The following KLHL32 variants were observed in gnomAD, a reference collection of about 807,000 sequenced individuals.
KLHL32 encodes the protein kelch-like protein 32.
In KLHL32, 35 loss-of-function variants were observed where a neutral mutation model predicts 64.8. That is an observed-to-expected ratio of 0.54 (90% confidence interval 0.41 to 0.72). The LOEUF (loss-of-function observed/expected upper bound fraction) is 0.72. KLHL32 is among the 30% of genes least tolerant of loss of function. The probability of loss-of-function intolerance (pLI) is 0.00; values close to 1 mark genes in which losing one functional copy is unlikely to be tolerated. For synonymous variants in KLHL32, 259 were observed against 281.0 expected (o/e 0.92, Z 0.78); for missense variants, 589 against 768.5 (o/e 0.77, Z 2.76).
At chr6:97,099,425 C>T (rs1795407655) in intron 6 of KLHL32, among the ~76,000 whole-genome samples, 1 of 152,216 alleles carries the variant, frequency 6.6e-6, no homozygotes, top group Non-Finnish European at 1.5e-5. Flanking sequence ...TGTTTCAGAC[C>T]TGTGATTTCC....
At position 97,056,169 on chromosome 6, in the gene KLHL32, G is replaced by A. The variant is rs1353893384; in HGVS notation, c.313-8459G>A. Among the ~76,000 whole-genome samples, 8 of 137,882 alleles carry A rather than the reference G, an allele frequency of 5.8e-5. No homozygotes were observed. The Admixed American group carries it at 5.8e-4, about 10-fold the overall frequency. 90.5% of individuals were successfully genotyped at this position (137,882 alleles called of 152,430 possible). ...CACCCAGGCTGGAGTGCAGTGGCAC[G>A]ATCTCGGCTCACTGGAAGCTCCGCT... On this transcript the variant is annotated intron_variant, in intron 4 of 10. Coordinates refer to ENST00000369261, the MANE Select transcript of KLHL32 (RefSeq NM_052904.4).
intron 3 of KLHL32, chr6:96,994,488 T>A: frequency 5.1e-6 from 5 of 985,262 alleles, no homozygotes; most frequent in Non-Finnish European, 6.0e-6. Context: ...TTTTGTGCTC[T>A]GTACTCTGAT....
chr6:97,066,575 G>A (rs1789783918), intron 5 of KLHL32, among the ~76,000 whole-genome samples: 1 of 152,126 alleles, frequency 6.6e-6, no homozygotes, highest in South Asian at 2.1e-4. Context: ...TTTTCATTTT[G>A]TCATGTAACT....
intron 6 of KLHL32, among the ~76,000 whole-genome samples, chr6:97,106,672 AGGCAGAAGTC>A (rs1025019544): frequency 5.3e-5 from 8 of 151,974 alleles, no homozygotes; most frequent in Non-Finnish European, 8.8e-5. Flanking sequence ...TGAGCCTGGG[AGGCAGAAGTC>A]GTAGTGAGCT....
chr6:97,132,885 C>T (rs1368552912), intron 10 of KLHL32, 138 bp downstream of exon 10: 1 of 579,746 alleles, frequency 1.7e-6, no homozygotes, highest in Non-Finnish European at 3.0e-6. Flanking sequence ...CTAGTTCAGC[C>T]ACTAAACTTC....
chr6:96,971,634 T>C (rs1775116547), intron 2 of KLHL32, among the ~76,000 whole-genome samples: 1 of 151,938 alleles, frequency 6.6e-6, no homozygotes, highest in South Asian at 2.1e-4. Context: ...GGCTTTCCAT[T>C]GTTGCATGAG....
intron 3 of KLHL32, among the ~76,000 whole-genome samples, chr6:96,981,086 T>C (rs145830748): frequency 6.6e-6 from 1 of 152,256 alleles, no homozygotes; most frequent in East Asian, 1.9e-4. Flanking sequence ...AGGAACAGCA[T>C]GGAGGTAACT....
intron 3 of KLHL32, among the ~76,000 whole-genome samples, chr6:97,031,817 C>T (rs190805742): frequency 1.3e-5 from 2 of 152,232 alleles, no homozygotes; most frequent in Admixed American, 1.3e-4. Context: ...CATTTGGAAA[C>T]TATTTGAAAT....
At chr6:96,962,386 A>T (rs1773974033) in intron 1 of KLHL32, among the ~76,000 whole-genome samples, 1 of 152,166 alleles carries the variant, frequency 6.6e-6, no homozygotes, top group Non-Finnish European at 1.5e-5. Context: ...ATGTGAAAAA[A>T]TTGCTGTATT....
chr6:96,951,287 C>T (rs1021419167), intron 1 of KLHL32, among the ~76,000 whole-genome samples: 2 of 151,996 alleles, frequency 1.3e-5, no homozygotes, highest in African/African-American at 4.8e-5. Flanking sequence ...ATGTCAACAG[C>T]CCTATACACC....
At chr6:96,901,321 T>C in the KLHL32 span, among the ~76,000 whole-genome samples, 4 of 109,664 alleles carry the variant, frequency 3.6e-5, no homozygotes, top group African/African-American at 1.2e-4. Flanking sequence ...ATATTCCTCC[T>C]GGATGCCTTT....
intron 5 of KLHL32, among the ~76,000 whole-genome samples, chr6:97,072,780 A>C (rs1041538489): frequency 1.1e-4 from 17 of 152,216 alleles, no homozygotes; most frequent in Admixed American, 1.1e-3. Flanking sequence ...CAATCTACTC[A>C]GTTGGAATTA....
chr6:97,134,373 C>CT (rs913248201), intron 10 of KLHL32, among the ~76,000 whole-genome samples: 1 of 152,224 alleles, frequency 6.6e-6, no homozygotes, highest in African/African-American at 2.4e-5. Flanking sequence ...TGGACTAGAG[C>CT]TTCGTCCTGT....
intron 5 of KLHL32, among the ~76,000 whole-genome samples, chr6:97,073,630 T>C (rs965716356): frequency 6.6e-6 from 1 of 152,216 alleles, no homozygotes. Context: ...GGATTCCTTC[T>C]GCATGTACCA....
At chr6:96,958,282 G>C (rs567388580) in intron 1 of KLHL32, among the ~76,000 whole-genome samples, 3 of 152,312 alleles carry the variant, frequency 2.0e-5, no homozygotes, top group Non-Finnish European at 4.4e-5. Context: ...TGCTGATTAT[G>C]CTGTGAGTGG....
In KLHL32 at chr6:97,114,172, T is replaced by C. The variant is rs1175953542; in HGVS notation, c.1017T>C (p.His339=). The part of the protein sequence containing the change: ...LAPMPVGRSH[H]CVAVMGDFLF... ...CCATGCCTGTGGGAAGGAGCCACCA[T>C]TGTGTGGCAGTCATGGGGGACTTCC... The change falls in exon 7 of 11, where the codon CAT becomes CAC. Residue 339 remains histidine (H), a synonymous_variant. Transcript: ENST00000369261. 1.9e-6 allele frequency: 3 copies of C among 1,614,072 alleles called. No individual in the cohort carries two copies. The highest frequency in any genetic ancestry group is 2.2e-5 in the East Asian group (1 of 44,870).
intron 2 of KLHL32, among the ~76,000 whole-genome samples, chr6:96,974,308 G>A (rs1775466322): frequency 6.6e-6 from 1 of 152,038 alleles, no homozygotes; most frequent in Non-Finnish European, 1.5e-5. Flanking sequence ...GCTTTACTTG[G>A]CTGATACAAT....
At chr6:96,965,319 G>A (rs538579838) in intron 1 of KLHL32, among the ~76,000 whole-genome samples, 3 of 152,152 alleles carry the variant, frequency 2.0e-5, no homozygotes, top group East Asian at 3.9e-4. Context: ...AGTATATAGC[G>A]GATTATGATT....
At chr6:96,987,934 C>T (rs1262221838) in intron 3 of KLHL32, among the ~76,000 whole-genome samples, 5 of 152,188 alleles carry the variant, frequency 3.3e-5, no homozygotes, top group African/African-American at 1.2e-4. Flanking sequence ...CTTCCTTACA[C>T]CTTATACAAA....
Sources: gnomAD v4.1 joint callset for allele counts (sites outside exome capture counted in the v4.1 genomes callset) on GRCh38, gnomAD v4.1.1 for gene constraint, MANE v1.5 for transcripts, NCBI Gene and HGNC (gene_info 2026-07-23, HGNC 2026-07-21) for gene names.